Variants in SMAD1 observed in about 807,000 individuals in gnomAD.
The protein encoded by SMAD1 is MAD, mothers against decapentaplegic homolog 1.
Under a neutral mutation model 41.6 loss-of-function variants are expected in SMAD1, and 6 were observed. The ratio of observed to expected loss-of-function variants is 0.14; its 90% CI spans 0.08 to 0.28. SMAD1 has a LOEUF of 0.28. Ranked by LOEUF, SMAD1 falls within the 10% of genes least tolerant of loss-of-function variation. The pLI is 1.00. For synonymous variants in SMAD1, 206 were observed against 203.2 expected (o/e 1.01, Z -0.12); for missense variants, 379 against 582.6 (o/e 0.65, Z 3.60).
At chr4:145,518,193 A>G (rs1403830583) in intron 2 of SMAD1, among the ~76,000 whole-genome samples, 1 of 126,040 alleles carries the variant, frequency 7.9e-6, no homozygotes, top group Non-Finnish European at 2.0e-5. Context: ...CTTGAGCCCC[A>G]GAGTTGAAGG....
At chr4:145,530,425 G>A (rs1051647169) in intron 2 of SMAD1, among the ~76,000 whole-genome samples, 1 of 152,196 alleles carries the variant, frequency 6.6e-6, no homozygotes, top group African/African-American at 2.4e-5. Context: ...CAGACGTTCT[G>A]TGGGTGCCCA....
At chr4:145,519,622 C>G (rs1174002505) in intron 2 of SMAD1, among the ~76,000 whole-genome samples, 2 of 149,056 alleles carry the variant, frequency 1.3e-5, no homozygotes, top group Non-Finnish European at 3.0e-5. Flanking sequence ...TCGCTGCACT[C>G]CAGCCTGGGT....
intron 5 of SMAD1, among the ~76,000 whole-genome samples, chr4:145,547,779 A>C (rs74911942): frequency 6.6e-6 from 1 of 152,318 alleles, no homozygotes; most frequent in East Asian, 1.9e-4. Flanking sequence ...TCAGTGCAAA[A>C]TTCTGATTTT....
chr4:145,512,311 G>A (rs963991620), intron 1 of SMAD1, among the ~76,000 whole-genome samples: 4 of 152,132 alleles, frequency 2.6e-5, no homozygotes, highest in Admixed American at 6.5e-5. Context: ...AAAATCCTTG[G>A]CTAGTATCTA....
rs1560715541 is a variant in SMAD1 at position 145,482,233 on chromosome 4, C to CA, written c.-177+195_-177+196insA. Reference sequence around the variant, plus strand: ...GCGGGGCGGGCCGCGACCCCCCCCCCCCATGATGGCGCCTCCCGTCTGCTC... The same window carrying CA: ...GCGGGGCGGGCCGCGACCCCCCCCCCACCATGATGGCGCCTCCCGTCTGCTC... On this transcript the variant is annotated intron_variant, in intron 1 of 6. Transcript: ENST00000302085. The surrounding 1 kb of genome is among the most constrained non-coding windows in gnomAD (Gnocchi z 4.2). Among the ~76,000 whole-genome samples the CA allele has an allele frequency of 1.3e-5, 2 of 150,394 alleles. No individual in the cohort carries two copies. The highest frequency in any genetic ancestry group is 3.0e-5 in the Non-Finnish European group (2 of 66,864).
chr4:145,557,747 A>G, intron 6 of SMAD1, 44 bp from the exon 7 acceptor site: 3 of 1,484,870 alleles, frequency 2.0e-6, no homozygotes, highest in Non-Finnish European at 2.8e-6. Context: ...AAGTTTAACC[A>G]CTGAGTTAAA....
At chr4:145,540,505 A>T (rs994887239) in intron 3 of SMAD1, among the ~76,000 whole-genome samples, 2 of 152,228 alleles carry the variant, frequency 1.3e-5, no homozygotes, top group African/African-American at 4.8e-5. Flanking sequence ...CCCACCCCCT[A>T]CTTAATTAAA....
At position 145,553,788 on chromosome 4, in the gene SMAD1, T is replaced by G. The variant is rs764063426; in HGVS notation, c.1002T>G (p.Val334=). Residue 334 remains valine (V), a synonymous_variant, in exon 6 of 7, where the codon GTT becomes GTG. Transcript: ENST00000302085. ...GTATGCTTTGTCTTCCTATAGGAGT[T>G]CATCTTTATTATGTTGGAGGGGAGG... ...ENTRRHIGKG[V]HLYYVGGEVY... 2 of 1,613,738 alleles carry G rather than the reference T, an allele frequency of 1.2e-6. No individual in the cohort carries two copies. The highest frequency in any genetic ancestry group is 1.7e-6 in the Non-Finnish European group (2 of 1,179,586).
chr4:145,543,849 A>G (rs956904616), intron 4 of SMAD1, among the ~76,000 whole-genome samples: 5 of 152,266 alleles, frequency 3.3e-5, no homozygotes, highest in Non-Finnish European at 5.9e-5. Flanking sequence ...GGCATGGGTC[A>G]TGCAATTTAT....
chr4:145,525,900 T>C (rs1730992825), intron 2 of SMAD1: 1 of 151,872 alleles, frequency 6.6e-6, no homozygotes, highest in South Asian at 2.1e-4. Context: ...AACAAAGGAG[T>C]GTTTGGCAAT....
rs544686495 is a variant in SMAD1, at chr4:145,557,958, G to A, written c.*24G>A. The A allele has an allele frequency of 1.3e-5, 20 of 1,574,592 alleles. No homozygotes were observed. The South Asian group carries it at 1.9e-4, about 15-fold the overall frequency. ...AAATGGCCCCAGGCATCTGCCTCTG[G>A]AAAACTATTGAGCCTTGCATGTACT... On this transcript the variant is annotated 3_prime_UTR_variant, in exon 7 of 7. Coordinates refer to ENST00000302085, the MANE Select transcript of SMAD1 (RefSeq NM_005900.3).
intron 1 of SMAD1, among the ~76,000 whole-genome samples, chr4:145,485,131 C>G (rs750174905): frequency 6.6e-6 from 1 of 152,106 alleles, no homozygotes; most frequent in Non-Finnish European, 1.5e-5. Context: ...TGCAGTGGCA[C>G]GATCATGGCT....
In SMAD1 at chr4:145,558,090, A is replaced by C. The variant is rs1325470385; in HGVS notation, c.*156A>C. The C allele has an allele frequency of 9.7e-6, 4 of 412,396 alleles. No individual in the cohort carries two copies. In the Admixed American group the frequency reaches 1.6e-4, roughly 16 times the overall value. The allele number at this position is 412,396 out of a possible 1,614,324, so 25.5% of individuals were successfully genotyped here. A position where few individuals can be genotyped will look rare whatever the true frequency, so the allele number is the denominator to read the frequency against. On this transcript the variant is annotated 3_prime_UTR_variant, in exon 7 of 7. Coordinates refer to ENST00000302085, the MANE Select transcript of SMAD1 (RefSeq NM_005900.3). ...TTCAGAAATTTAAACAAAAAAAAAA[A>C]AAAACACACACACCTTGGTAACATA...
chr4:145,513,676 C>CA (rs1373734703), intron 1 of SMAD1, among the ~76,000 whole-genome samples: 6 of 151,694 alleles, frequency 4.0e-5, no homozygotes, highest in African/African-American at 7.3e-5. Context: ...TAGAACAAAC[C>CA]AAAAAAACAG....
intron 2 of SMAD1, among the ~76,000 whole-genome samples, chr4:145,516,661 G>A (rs1161962173): frequency 2.0e-5 from 3 of 152,140 alleles, no homozygotes; most frequent in Non-Finnish European, 4.4e-5. Flanking sequence ...CAGCTGTGAT[G>A]CAGTGTTCTT....
chr4:145,517,661 A>ACGCTGGTCTCGAAGTCCTGACCTCAG (rs1578778733), intron 2 of SMAD1, among the ~76,000 whole-genome samples: 6 of 132,718 alleles, frequency 4.5e-5, no homozygotes, highest in South Asian at 2.4e-4. Context: ...TCATTTGGCC[A>ACGCTGGTCTCGAAGTCCTGACCTCAG]TTTTTTTAGT....
Position 145,558,079 on chromosome 4 carries a change from C to CAAAA in SMAD1, c.*157_*160dup, listed in dbSNP as rs34142651. Reference sequence around the variant, plus strand: ...CAACTGTTGGATTCAGAAATTTAAACAAAAAAAAAAAAAAACACACACACC... The same window carrying CAAAA: ...CAACTGTTGGATTCAGAAATTTAAACAAAAAAAAAAAAAAAAAAACACACACACC... On this transcript the variant is annotated 3_prime_UTR_variant, in exon 7 of 7. Coordinates refer to ENST00000302085, the MANE Select transcript of SMAD1 (RefSeq NM_005900.3). The CAAAA allele has an allele frequency of 2.8e-5, 8 of 288,674 alleles. No homozygotes were observed. The highest frequency in any genetic ancestry group is 4.9e-5 in the Non-Finnish European group (8 of 163,628). The allele number at this position is 288,674 out of a possible 1,614,324, so 17.9% of individuals were successfully genotyped here.
At chr4:145,497,273 G>A (rs1729134475) in intron 1 of SMAD1, 1 of 152,196 alleles carries the variant, frequency 6.6e-6, no homozygotes. Flanking sequence ...CCACTGTAGG[G>A]TAAGTAACAC....
At chr4:145,536,286 C>T (rs1376551128) in intron 2 of SMAD1, among the ~76,000 whole-genome samples, 2 of 152,124 alleles carry the variant, frequency 1.3e-5, no homozygotes, top group African/African-American at 4.8e-5. Context: ...ATACAGAAGA[C>T]AGCCAAATCC....
Sources: gnomAD v4.1 joint callset for allele counts (sites outside exome capture counted in the v4.1 genomes callset) on GRCh38, gnomAD v4.1.1 for gene constraint, Gnocchi (gnomAD v3.1) non-coding constraint, MANE v1.5 for transcripts, NCBI Gene and HGNC (gene_info 2026-07-23, HGNC 2026-07-21) for gene names.